DOCK9: variants seen among roughly 807,000 people sequenced by gnomAD.
DOCK9 encodes the protein dedicator of cytokinesis 9, also known as dedicator of cytokinesis protein 9.
In DOCK9, 89 loss-of-function variants were observed where a neutral mutation model predicts 263.3. That is an observed-to-expected ratio of 0.34 (90% confidence interval 0.28 to 0.40). DOCK9 has a LOEUF of 0.40. DOCK9 is among the 10% of genes least tolerant of loss of function. DOCK9 has a pLI of 1.00. For missense variants in DOCK9, 2,140 were observed against 2,603.4 expected (o/e 0.82, Z 3.87); for synonymous variants, 976 against 973.1 (o/e 1.00, Z -0.06).
intron 1 of DOCK9, among the ~76,000 whole-genome samples, chr13:99,080,351 A>AT (rs1238838999): frequency 6.6e-6 from 1 of 151,984 alleles, no homozygotes; most frequent in African/African-American, 2.4e-5. Context: ...CAGTCACATT[A>AT]TTTACTCTCA....
intron 35 of DOCK9, among the ~76,000 whole-genome samples, chr13:98,852,039 G>A (rs567351512): frequency 6.6e-6 from 1 of 152,056 alleles, no homozygotes; most frequent in Non-Finnish European, 1.5e-5. Flanking sequence ...GAATTCAAAT[G>A]TTCTTGTATA....
At chr13:98,973,053 A>G (rs1180200100) in intron 1 of DOCK9, among the ~76,000 whole-genome samples, 2 of 152,274 alleles carry the variant, frequency 1.3e-5, no homozygotes, top group African/African-American at 4.8e-5. Context: ...CACTAGGAAT[A>G]GGTCACTATA....
At chr13:98,930,025 T>C in intron 3 of DOCK9, 143 bp downstream of exon 3, 1 of 718,084 alleles carries the variant, frequency 1.4e-6, no homozygotes, top group Non-Finnish European at 2.3e-6. Context: ...GTCTGAAAAA[T>C]TCACATTATT....
chr13:98,846,529 AAGG>A (rs763507612), intron 37 of DOCK9: 45 of 1,351,936 alleles, frequency 3.3e-5, no homozygotes, highest in Admixed American at 3.8e-5. Flanking sequence ...CCCAAGCAGG[AAGG>A]AGAAGAGCCA....
chr13:98,837,645 G>A (rs1379612988), intron 38 of DOCK9, 36 bp from the exon 39 acceptor site: 1 of 1,487,816 alleles, frequency 6.7e-7, no homozygotes, highest in East Asian at 2.3e-5. Flanking sequence ...CTGCCCAGTG[G>A]TTCAGAAGGC....
chr13:98,946,375 T>C (rs9584972), intron 2 of DOCK9, among the ~76,000 whole-genome samples: 2 of 151,922 alleles, frequency 1.3e-5, no homozygotes, highest in African/African-American at 4.8e-5. Flanking sequence ...CTGGTGAGAC[T>C]TGACTCCCCC....
chr13:98,854,690 T>TGAA (rs2093659872), intron 34 of DOCK9: 1 of 152,142 alleles, frequency 6.6e-6, no homozygotes, highest in Admixed American at 6.5e-5. Flanking sequence ...CCTCCTCCTC[T>TGAA]TCAGCACTGC....
At chr13:99,054,572 G>C (rs1417769676) in intron 1 of DOCK9, among the ~76,000 whole-genome samples, 1 of 152,174 alleles carries the variant, frequency 6.6e-6, no homozygotes, top group African/African-American at 2.4e-5. Context: ...GGTTGGACAG[G>C]GTTTGAGGGC....
rs1480212650 is a variant in DOCK9 at position 98,883,940 on chromosome 13, T to C, written c.2383-41A>G. Reference sequence around the variant, plus strand: ...AAGAAACAATATCCCTACAGATTAGTTATTTTGGCTCTAACATGATCATCA... The same window carrying C: ...AAGAAACAATATCCCTACAGATTAGCTATTTTGGCTCTAACATGATCATCA... On this transcript the variant is annotated intron_variant, in intron 21 of 52. Coordinates refer to ENST00000682017, the MANE Select transcript of DOCK9 (RefSeq NM_001366683.2). 4 of 1,442,822 alleles carry C rather than the reference T, an allele frequency of 2.8e-6. No homozygotes were observed. The Admixed American group carries it at 7.8e-5, about 28-fold the overall frequency. 89.4% of individuals were successfully genotyped at this position (1,442,822 alleles called of 1,614,324 possible). A position where few individuals can be genotyped will look rare whatever the true frequency, so the allele number is the denominator to read the frequency against.
Position 98,829,143 on chromosome 13 carries a change from A to G in DOCK9, c.4965+164T>C, listed in dbSNP as rs1406553015. ...TTTGTTTTAAATTATTAAAATGCTCAGCTAACTATGAAGTCACCCTAAGCT... is the reference window on the plus strand; with the variant it reads ...TTTGTTTTAAATTATTAAAATGCTCGGCTAACTATGAAGTCACCCTAAGCT... On this transcript the variant is annotated intron_variant, in intron 43 of 52. Coordinates refer to ENST00000682017, the MANE Select transcript of DOCK9 (RefSeq NM_001366683.2). The surrounding 1 kb of genome is among the most constrained non-coding windows in gnomAD (Gnocchi z 4.1). 1.3e-5 allele frequency among the ~76,000 whole-genome samples: 2 copies of G among 152,222 alleles called. No individual in the cohort carries two copies. The highest frequency in any genetic ancestry group is 3.8e-4 in the East Asian group (2 of 5,198).
intron 13 of DOCK9, among the ~76,000 whole-genome samples, chr13:98,898,783 T>G (rs1477583696): frequency 6.6e-6 from 1 of 152,232 alleles, no homozygotes; most frequent in Non-Finnish European, 1.5e-5. Context: ...CAATGCTATA[T>G]TCTTGCTTTC....
At chr13:98,869,041 T>C (rs776760374) in intron 27 of DOCK9, among the ~76,000 whole-genome samples, 3 of 152,234 alleles carry the variant, frequency 2.0e-5, no homozygotes, top group Non-Finnish European at 4.4e-5. Context: ...TCTTTGATGA[T>C]TCTGATGCCT....
chr13:98,976,437 C>CTACACTAATAT (rs2060287309), intron 1 of DOCK9, among the ~76,000 whole-genome samples: 1 of 152,172 alleles, frequency 6.6e-6, no homozygotes, highest in South Asian at 2.1e-4. Context: ...TGTATTCAGT[C>CTACACTAATAT]CTGTAGACAA....
At chr13:98,865,056 C>A (rs940483636) in intron 30 of DOCK9, among the ~76,000 whole-genome samples, 15 of 152,210 alleles carry the variant, frequency 9.9e-5, no homozygotes, top group African/African-American at 3.6e-4. Flanking sequence ...AAATAAATGT[C>A]TTTTCTTATT....
At chr13:98,821,056 G>C (rs1406697528) in intron 45 of DOCK9, among the ~76,000 whole-genome samples, 1 of 152,214 alleles carries the variant, frequency 6.6e-6, no homozygotes. Flanking sequence ...AAGGAGTATT[G>C]ATTTGGAGGC....
rs770164811 is a variant in DOCK9 at position 98,829,611 on chromosome 13, A to T, written c.4749+32T>A. On this transcript the variant is annotated intron_variant, in intron 42 of 52. Coordinates refer to ENST00000682017, the MANE Select transcript of DOCK9 (RefSeq NM_001366683.2). This position sits in a 1 kb window ranked among gnomAD's most constrained non-coding sequence, Gnocchi z 4.1. Reference sequence around the variant, plus strand: ...ACCTCAGGTGCTGATGCAGAGTCTCAGGGTGAAACTAACATGGGCCAGGCT... The same window carrying T: ...ACCTCAGGTGCTGATGCAGAGTCTCTGGGTGAAACTAACATGGGCCAGGCT... The T allele has an allele frequency of 6.3e-7, 1 of 1,586,318 alleles. No homozygotes were observed.
At chr13:98,934,113 C>T (rs1567013684) in intron 2 of DOCK9, among the ~76,000 whole-genome samples, 1 of 152,090 alleles carries the variant, frequency 6.6e-6, no homozygotes. Context: ...CCATTTTGTC[C>T]AGGCTGGTCT....
intron 1 of DOCK9, among the ~76,000 whole-genome samples, chr13:98,966,947 C>A (rs990159331): frequency 6.6e-6 from 1 of 152,212 alleles, no homozygotes; most frequent in African/African-American, 2.4e-5. Flanking sequence ...CACATTCACC[C>A]CAGGCCCACG....
intron 30 of DOCK9, among the ~76,000 whole-genome samples, chr13:98,866,527 T>G (rs1220875536): frequency 6.6e-6 from 1 of 152,178 alleles, no homozygotes; most frequent in East Asian, 1.9e-4. Context: ...ACAAAATACC[T>G]GAGTACATAC....
Sources: gnomAD v4.1 joint callset for allele counts (sites outside exome capture counted in the v4.1 genomes callset) on GRCh38, gnomAD v4.1.1 for gene constraint, Gnocchi (gnomAD v3.1) non-coding constraint, MANE v1.5 for transcripts, NCBI Gene and HGNC (gene_info 2026-07-23, HGNC 2026-07-21) for gene names.